The following KCNK12 variants were observed in gnomAD, a reference collection of about 807,000 sequenced individuals.
The protein encoded by KCNK12 is potassium two pore domain channel subfamily K member 12, also known as potassium channel subfamily K member 12.
In KCNK12, 6 loss-of-function variants were observed where a neutral mutation model predicts 25.3. The observed-to-expected ratio is 0.24, with a 90% CI of 0.13 to 0.47. The LOEUF is 0.47. Among genes scored for constraint, KCNK12 ranks in the 20% least tolerant of loss-of-function variants. KCNK12 has a pLI of 0.99. For missense variants in KCNK12, 444 were observed against 661.7 expected (o/e 0.67, Z 3.61); for synonymous variants, 331 against 311.1 (o/e 1.06, Z -0.67).
intron 1 of KCNK12, among the ~76,000 whole-genome samples, chr2:47,542,142 A>C (rs1030350808): frequency 4.6e-5 from 7 of 152,254 alleles, no homozygotes; most frequent in African/African-American, 1.7e-4. Context: ...CCAAGGAACC[A>C]GCTGCTTCCA....
chr2:47,554,567 G>A (rs762738897), intron 1 of KCNK12, among the ~76,000 whole-genome samples: 27 of 152,238 alleles, frequency 1.8e-4, no homozygotes, highest in Non-Finnish European at 3.8e-4. Flanking sequence ...AGTGCATTGA[G>A]TGAAGGGGAA....
Position 47,512,596 on chromosome 2 carries a change from G to A in KCNK12, c.*8311C>T, listed in dbSNP as rs1668430108. The A allele has an allele frequency of 1.3e-6, 1 of 774,608 alleles. No individual in the cohort carries two copies. The highest frequency in any genetic ancestry group is 2.0e-6 in the Non-Finnish European group (1 of 498,798). 48.0% of individuals were successfully genotyped at this position (774,608 alleles called of 1,614,324 possible). A position where few individuals can be genotyped will look rare whatever the true frequency, so the allele number is the denominator to read the frequency against. ...GCCCAGATTCCAGGACTTACAGTGA[G>A]AAAGCGCCTTCTGGGAACTTCACAA... On this transcript the variant is annotated 3_prime_UTR_variant, in exon 2 of 2. Coordinates refer to ENST00000327876, the MANE Select transcript of KCNK12 (RefSeq NM_022055.2).
At position 47,555,319 on chromosome 2, in the gene KCNK12, C is replaced by G. The variant is rs1401344187; in HGVS notation, c.391+14622G>C. Reference sequence around the variant, plus strand: ...GAAGCAGCAGATGCAAAGAAAGCTCCTTATCCTCCCCTATCTGCCTAAAGG... The same window carrying G: ...GAAGCAGCAGATGCAAAGAAAGCTCGTTATCCTCCCCTATCTGCCTAAAGG... On this transcript the variant is annotated intron_variant, in intron 1 of 1. Coordinates refer to ENST00000327876, the MANE Select transcript of KCNK12 (RefSeq NM_022055.2). The surrounding 1 kb of genome is among the most constrained non-coding windows in gnomAD (Gnocchi z 4.5). Among the ~76,000 whole-genome samples the G allele has an allele frequency of 6.6e-6, 1 of 152,202 alleles. No individual in the cohort carries two copies. Among genetic ancestry groups the G allele is most frequent in the East Asian group, 1.9e-4 (1 of 5,194 alleles).
At position 47,513,416 on chromosome 2, in the gene KCNK12, G is replaced by A. The variant is rs57831950; in HGVS notation, c.*7491C>T. Among the ~76,000 whole-genome samples the A allele has an allele frequency of 2.7e-3, 411 of 152,214 alleles. 2 individuals carry two copies. Among genetic ancestry groups the A allele is most frequent in the African/African-American group, 9.4e-3 (390 of 41,520 alleles). ...GGCTTTGTGGCATCCTGTGCTCTTG[G>A]TTTTCTCCCATATCTCTGACCCTCT... On this transcript the variant is annotated 3_prime_UTR_variant, in exon 2 of 2. Transcript: ENST00000327876.
rs1285593621 is a variant in KCNK12, at chr2:47,533,925, G to A, written c.392-12117C>T. ...CATTGGGTGCGCAGTGATCCGGACA[G>A]AGAGGCTCCAGTCAGCCAGGCACAG... On this transcript the variant is annotated intron_variant, in intron 1 of 1. Transcript: ENST00000327876. The surrounding 1 kb of genome is among the most constrained non-coding windows in gnomAD (Gnocchi z 4.7). 2.6e-5 allele frequency among the ~76,000 whole-genome samples: 4 copies of A among 152,070 alleles called. No individual in the cohort carries two copies. The highest frequency in any genetic ancestry group is 9.7e-5 in the African/African-American group (4 of 41,396).
chr2:47,532,625 TCA>T (rs1248003999), intron 1 of KCNK12, among the ~76,000 whole-genome samples: 1 of 152,238 alleles, frequency 6.6e-6, no homozygotes, highest in African/African-American at 2.4e-5. Context: ...CCTGGACAAC[TCA>T]CAGTCAAGGC....
At chr2:47,522,940 T>TA (rs1668690997) in intron 1 of KCNK12, among the ~76,000 whole-genome samples, 1 of 151,384 alleles carries the variant, frequency 6.6e-6, no homozygotes, top group Admixed American at 6.7e-5. Flanking sequence ...CTCCCTGTTA[T>TA]TAAAAAAAAA....
chr2:47,527,183 C>T (rs1043445895), intron 1 of KCNK12, among the ~76,000 whole-genome samples: 1 of 152,196 alleles, frequency 6.6e-6, no homozygotes, highest in African/African-American at 2.4e-5. Context: ...AACCAAATTG[C>T]AGTCCTCCAG....
chr2:47,552,736 C>T (rs1669464097), intron 1 of KCNK12, among the ~76,000 whole-genome samples: 1 of 151,954 alleles, frequency 6.6e-6, no homozygotes, highest in Non-Finnish European at 1.5e-5. Flanking sequence ...CCACTCCACT[C>T]CAGCCTGGAT....
In KCNK12 at chr2:47,528,906, C is replaced by A. The variant is rs1226600412; in HGVS notation, c.392-7098G>T. Among the ~76,000 whole-genome samples, 2 of 151,998 alleles carry A rather than the reference C, an allele frequency of 1.3e-5. No homozygotes were observed. The highest frequency in any genetic ancestry group is 2.9e-5 in the Non-Finnish European group (2 of 67,986). On this transcript the variant is annotated intron_variant, in intron 1 of 1. Coordinates refer to ENST00000327876, the MANE Select transcript of KCNK12 (RefSeq NM_022055.2). This position sits in a 1 kb window ranked among gnomAD's most constrained non-coding sequence, Gnocchi z 4.5. ...CAGCCTCGGTTGGGCCCTTGACACA[C>A]TCCTCCCATCCAGGCCCCCAGCCAC... is the stretch of plus-strand genomic sequence containing the variant.
At position 47,569,184 on chromosome 2, in the gene KCNK12, T is replaced by C. The variant is rs181592464; in HGVS notation, c.391+757A>G. On this transcript the variant is annotated intron_variant, in intron 1 of 1. Transcript: ENST00000327876. The surrounding 1 kb of genome is among the most constrained non-coding windows in gnomAD (Gnocchi z 4.1). Reference sequence around the variant, plus strand: ...ATCCAAAAAAAGAGAGAAGAGATGATGGAAAGAATAGGGGAACTATCCCTG... The same window carrying C: ...ATCCAAAAAAAGAGAGAAGAGATGACGGAAAGAATAGGGGAACTATCCCTG... 4.0e-5 allele frequency among the ~76,000 whole-genome samples: 6 copies of C among 151,846 alleles called. No homozygotes were observed.
chr2:47,569,887 G>A lies in KCNK12; in HGVS notation c.391+54C>T. 7.8e-7 allele frequency: 1 copy of A among 1,279,698 alleles called. No individual in the cohort carries two copies. The highest frequency in any genetic ancestry group is 2.5e-5 in the South Asian group (1 of 40,128). 79.3% of individuals were successfully genotyped at this position (1,279,698 alleles called of 1,614,324 possible). The stretch of plus-strand genomic sequence containing the variant: ...GACCGAGCGGCCGAGCAGTGGAAAG[G>A]GCGGCAGGTGAAAGGCACAGAGAGG... On this transcript the variant is annotated intron_variant, in intron 1 of 1. Coordinates refer to ENST00000327876, the MANE Select transcript of KCNK12 (RefSeq NM_022055.2). This position sits in a 1 kb window ranked among gnomAD's most constrained non-coding sequence, Gnocchi z 4.1.
In KCNK12 at chr2:47,533,229, T is replaced by TG. The variant is rs58661719; in HGVS notation, c.392-11422_392-11421insC. ...TTTTACCATGTTGGCCAGGCTGGTC[T>TG]CCAACTCCTGACCTCAGGTGATCTG... On this transcript the variant is annotated intron_variant, in intron 1 of 1. Coordinates refer to ENST00000327876, the MANE Select transcript of KCNK12 (RefSeq NM_022055.2). This position sits in a 1 kb window ranked among gnomAD's most constrained non-coding sequence, Gnocchi z 4.7. Among the ~76,000 whole-genome samples the TG allele has an allele frequency of 6.6e-6, 1 of 151,760 alleles. No individual in the cohort carries two copies. The highest frequency in any genetic ancestry group is 2.4e-5 in the African/African-American group (1 of 41,252).
chr2:47,563,700 C>T, intron 1 of KCNK12: 1 of 233,110 alleles, frequency 4.3e-6, no homozygotes, highest in Non-Finnish European at 8.5e-6. Context: ...AGCTCTGCTC[C>T]TATTTGCTAT....
chr2:47,521,172 C>T lies in KCNK12; in HGVS notation c.1028G>A (p.Arg343His). 2 of 1,298,518 alleles carry T rather than the reference C, an allele frequency of 1.5e-6. No homozygotes were observed. The allele number at this position is 1,298,518 out of a possible 1,614,324, so 80.4% of individuals were successfully genotyped here. A position where few individuals can be genotyped will look rare whatever the true frequency, so the allele number is the denominator to read the frequency against. ...GTCGGCACCGAGCGCGGCCAGGCGGCGGCGCAGCCGGGAGCCTGGGGTGAT... is the reference window on the plus strand; with the variant it reads ...GTCGGCACCGAGCGCGGCCAGGCGGTGGCGCAGCCGGGAGCCTGGGGTGAT... The part of the protein sequence containing the change: ...NAITPGSRLR[R>H]RLAALGADPA... The change falls in exon 2 of 2, where the codon CGC becomes CAC. Residue 343 changes from arginine (R) to histidine (H), a missense_variant. By Grantham distance (29) the Arg-to-His change is conservative (BLOSUM62 0). This residue lies in a region of KCNK12 where 69 missense variants were observed against 81.7 expected (regional missense o/e 0.84). Transcript: ENST00000327876.
chr2:47,566,844 T>C lies in KCNK12; in HGVS notation c.391+3097A>G, dbSNP rs1468879480. 1 of 152,176 alleles carries C rather than the reference T, an allele frequency of 6.6e-6. No homozygotes were observed. The highest frequency in any genetic ancestry group is 2.4e-5 in the African/African-American group (1 of 41,442). 9.4% of individuals were successfully genotyped at this position (152,176 alleles called of 1,614,324 possible). Reference sequence around the variant, plus strand: ...TTTCTGGACCTAGCTGAACCCCTCATTAACTGTGTGACCACTGACAAGTCC... The same window carrying C: ...TTTCTGGACCTAGCTGAACCCCTCACTAACTGTGTGACCACTGACAAGTCC... On this transcript the variant is annotated intron_variant, in intron 1 of 1. Transcript: ENST00000327876. This position sits in a 1 kb window ranked among gnomAD's most constrained non-coding sequence, Gnocchi z 4.1.
At chr2:47,564,093 G>A (rs1278888194) in intron 1 of KCNK12, 1 of 231,744 alleles carries the variant, frequency 4.3e-6, no homozygotes, top group Non-Finnish European at 8.5e-6. Flanking sequence ...GGAGGTTGAA[G>A]ATCCTAACGC....
rs1259134738 is a variant in KCNK12, at chr2:47,525,871, C to T, written c.392-4063G>A. The stretch of plus-strand genomic sequence containing the variant: ...GTGAAAGCACATATGCCTGTTCTAA[C>T]AGGGAGCCTTGCAGCCCCACCAGCA... On this transcript the variant is annotated intron_variant, in intron 1 of 1. Coordinates refer to ENST00000327876, the MANE Select transcript of KCNK12 (RefSeq NM_022055.2). This position sits in a 1 kb window ranked among gnomAD's most constrained non-coding sequence, Gnocchi z 4.1. Among the ~76,000 whole-genome samples, 5 of 152,150 alleles carry T rather than the reference C, an allele frequency of 3.3e-5. No homozygotes were observed.
chr2:47,512,650 G>C lies in KCNK12; in HGVS notation c.*8257C>G, dbSNP rs1005852390. Reference sequence around the variant, plus strand: ...CTAAAGTGTGCTAATGGGATGATGTGCCCTTGTACACCCACTGCCTCTGAA... The same window carrying C: ...CTAAAGTGTGCTAATGGGATGATGTCCCCTTGTACACCCACTGCCTCTGAA... On this transcript the variant is annotated 3_prime_UTR_variant, in exon 2 of 2. Coordinates refer to ENST00000327876, the MANE Select transcript of KCNK12 (RefSeq NM_022055.2). The C allele has an allele frequency of 7.3e-6, 4 of 548,484 alleles. No homozygotes were observed. In the African/African-American group the frequency reaches 7.6e-5, roughly 10 times the overall value. 34.0% of individuals were successfully genotyped at this position (548,484 alleles called of 1,614,324 possible). A position where few individuals can be genotyped will look rare whatever the true frequency, so the allele number is the denominator to read the frequency against.
Sources: gnomAD v4.1 joint callset for allele counts (sites outside exome capture counted in the v4.1 genomes callset) on GRCh38, gnomAD v4.1.1 for gene constraint, gnomAD v4.1.1 regional missense constraint, Gnocchi (gnomAD v3.1) non-coding constraint, MANE v1.5 for transcripts, NCBI Gene and HGNC (gene_info 2026-07-23, HGNC 2026-07-21) for gene names.